The following FHIT variants were observed in gnomAD, a reference collection of about 807,000 sequenced individuals.
FHIT encodes the protein bis(5'-adenosyl)-triphosphatase.
A neutral mutation model predicts 17.9 loss-of-function variants in FHIT; 19 were observed. The observed-to-expected ratio is 1.06, with a 90% CI of 0.74 to 1.56. FHIT has a LOEUF of 1.56. Ranked by LOEUF, FHIT falls within the 40% of genes most tolerant of loss-of-function variation. FHIT has a pLI of 0.00. For missense variants in FHIT, 248 were observed against 189.2 expected, an observed-to-expected ratio of 1.31 and a Z score of -1.82; for synonymous variants, 81 against 69.7, an observed-to-expected ratio of 1.16 and a Z score of -0.81.
At chr3:60,409,247 T>C (rs1197774709) in intron 5 of FHIT, among the ~76,000 whole-genome samples, 1 of 152,188 alleles carries the variant, frequency 6.6e-6, no homozygotes, top group African/African-American at 2.4e-5. Flanking sequence ...GGTAAACTTC[T>C]AAGCAAAGAA....
chr3:60,687,592 CA>C (rs2040887389), intron 4 of FHIT, among the ~76,000 whole-genome samples: 1 of 151,940 alleles, frequency 6.6e-6, no homozygotes, highest in South Asian at 2.1e-4. Flanking sequence ...AATATATGAT[CA>C]ATTTTTTTCT....
chr3:60,771,285 A>C (rs1700031395), intron 4 of FHIT, among the ~76,000 whole-genome samples: 2 of 151,228 alleles, frequency 1.3e-5, no homozygotes, highest in South Asian at 2.1e-4. Context: ...AGTAATATTT[A>C]TCTCTCTCTC....
At chr3:60,603,746 G>A (rs548580641) in intron 4 of FHIT, among the ~76,000 whole-genome samples, 4 of 152,056 alleles carry the variant, frequency 2.6e-5, no homozygotes, top group Non-Finnish European at 5.9e-5. Context: ...CACCCTCATT[G>A]CAAAGTACAC....
intron 5 of FHIT, among the ~76,000 whole-genome samples, chr3:60,268,049 T>C (rs1706675140): frequency 6.6e-6 from 1 of 152,136 alleles, no homozygotes; most frequent in Admixed American, 6.6e-5. Flanking sequence ...ATAAATAACC[T>C]TCAAATTTAA....
chr3:60,034,765 T>C (rs1371476075), intron 5 of FHIT, among the ~76,000 whole-genome samples: 1 of 152,202 alleles, frequency 6.6e-6, no homozygotes, highest in African/African-American at 2.4e-5. Flanking sequence ...TTTATTATAT[T>C]AATTTACATG....
At chr3:60,014,502 G>C (rs746071770) in intron 5 of FHIT, among the ~76,000 whole-genome samples, 2 of 152,168 alleles carry the variant, frequency 1.3e-5, no homozygotes, top group African/African-American at 2.4e-5. Context: ...AGCTGTGTCC[G>C]CTTCAGCAGC....
At chr3:60,837,098 A>G (rs1222583015) in intron 3 of FHIT, among the ~76,000 whole-genome samples, 10 of 152,154 alleles carry the variant, frequency 6.6e-5, no homozygotes, top group East Asian at 3.9e-4. Context: ...TGGGTCTCCA[A>G]GCTTATTCCG....
intron 5 of FHIT, among the ~76,000 whole-genome samples, chr3:60,356,216 G>C (rs188795373): frequency 6.6e-6 from 1 of 152,118 alleles, no homozygotes; most frequent in Non-Finnish European, 1.5e-5. Context: ...CTATAACAAC[G>C]CTGCAAAAGT....
intron 4 of FHIT, among the ~76,000 whole-genome samples, chr3:60,741,849 A>T (rs2042247827): frequency 1.3e-5 from 2 of 152,216 alleles, no homozygotes; most frequent in African/African-American, 4.8e-5. Context: ...AGTGTGGTAT[A>T]ATGTATGGTA....
At chr3:60,359,399 G>C (rs1699809346) in intron 5 of FHIT, among the ~76,000 whole-genome samples, 1 of 148,434 alleles carries the variant, frequency 6.7e-6, no homozygotes. Flanking sequence ...TCCTGCCTCA[G>C]CCTCCCAAGT....
intron 7 of FHIT, among the ~76,000 whole-genome samples, chr3:59,983,573 A>C (rs1365772583): frequency 1.3e-5 from 2 of 152,174 alleles, no homozygotes; most frequent in Admixed American, 6.5e-5. Flanking sequence ...AAAACAGTAC[A>C]AACAGAATTT....
chr3:60,547,765 T>G (rs2036415922), intron 4 of FHIT, among the ~76,000 whole-genome samples: 1 of 152,108 alleles, frequency 6.6e-6, no homozygotes, highest in South Asian at 2.1e-4. Context: ...ATCTCTACTA[T>G]CCTTTTGTGT....
intron 5 of FHIT, among the ~76,000 whole-genome samples, chr3:60,056,644 T>G (rs958976585): frequency 8.5e-5 from 13 of 152,256 alleles, no homozygotes; most frequent in Admixed American, 7.2e-4. Flanking sequence ...CCGGTCTCCA[T>G]GTCATGCAGA....
At chr3:61,125,462 G>A (rs2036580239) in intron 2 of FHIT, among the ~76,000 whole-genome samples, 2 of 152,072 alleles carry the variant, frequency 1.3e-5, no homozygotes, top group African/African-American at 2.4e-5. Context: ...ATACCTAATT[G>A]TTCTCCATAA....
At chr3:60,407,435 G>A (rs966890634) in intron 5 of FHIT, among the ~76,000 whole-genome samples, 2 of 152,048 alleles carry the variant, frequency 1.3e-5, no homozygotes, top group Non-Finnish European at 2.9e-5. Context: ...TTGTTAAGGA[G>A]GATGCATGTA....
chr3:61,006,011 A>G (rs2031422079), intron 3 of FHIT, among the ~76,000 whole-genome samples: 1 of 152,148 alleles, frequency 6.6e-6, no homozygotes, highest in African/African-American at 2.4e-5. Flanking sequence ...CAGCAGTGGA[A>G]AACAGCTCTT....
intron 4 of FHIT, among the ~76,000 whole-genome samples, chr3:60,724,103 C>G (rs1327127802): frequency 6.6e-6 from 1 of 152,128 alleles, no homozygotes; most frequent in Non-Finnish European, 1.5e-5. Flanking sequence ...TTTCATCACC[C>G]CACAAAGAAA....
chr3:60,440,192 G>A (rs972796482), intron 5 of FHIT, among the ~76,000 whole-genome samples: 1 of 152,030 alleles, frequency 6.6e-6, no homozygotes. Context: ...TGCTGCCCTT[G>A]GTCCACTTCT....
intron 5 of FHIT, among the ~76,000 whole-genome samples, chr3:60,199,652 A>T (rs1454684876): frequency 6.6e-6 from 1 of 152,138 alleles, no homozygotes; most frequent in East Asian, 1.9e-4. Context: ...GATTCCTTTG[A>T]GTTTAATATT....
Sources: allele counts gnomAD v4.1 joint callset (sites outside exome capture counted in the v4.1 genomes callset), GRCh38; gene constraint gnomAD v4.1.1; transcripts MANE v1.5; gene names NCBI Gene and HGNC (gene_info 2026-07-23, HGNC 2026-07-21).